Variants in CFAP44 observed in about 807,000 individuals in gnomAD.
CFAP44 encodes cilia and flagella associated protein 44, also known as cilia- and flagella-associated protein 44.
In CFAP44, 134 loss-of-function variants were observed where a neutral mutation model predicts 216.2. That is an observed-to-expected ratio of 0.62 (90% CI 0.54 to 0.72). CFAP44 has a LOEUF of 0.72. Ranked by LOEUF, CFAP44 falls within the 30% of genes least tolerant of loss-of-function variation. The pLI is 0.00. For synonymous variants in CFAP44, 700 were observed against 727.6 expected (o/e 0.96, Z 0.61); for missense variants, 2,035 against 2,182.1 (o/e 0.93, Z 1.34).
At position 113,362,124 on chromosome 3, in the gene CFAP44, C is replaced by T. The variant is rs140083309; in HGVS notation, c.2934+1021G>A. ...AAAATATTATTTCTTTTTAGAAGAT[C>T]TTGGTTGAGGGAGAACATATCAATA... is the stretch of plus-strand genomic sequence containing the variant. On this transcript the variant is annotated intron_variant, in intron 21 of 34. Transcript: ENST00000393845. 1.9e-3 allele frequency among the ~76,000 whole-genome samples: 287 copies of T among 151,890 alleles called. 2 individuals carry two copies. Among genetic ancestry groups the T allele is most frequent in the African/African-American group, 5.7e-3 (234 of 41,394 alleles).
In CFAP44 at chr3:113,306,216, A is replaced by G. The variant is rs1447682927; in HGVS notation, c.4743T>C (p.Asp1581=). The part of the protein sequence containing the change: ...KIVDNLKKEY[D]TLSKKVKIVA... ...ATCACCATACTTTTTTTGACAATGT[A>G]TCATATTCCTTTTTGAGGTTATCAA... is the stretch of plus-strand genomic sequence containing the variant. The change falls in exon 30 of 35, where the codon GAT becomes GAC. Residue 1581 remains aspartate, a synonymous_variant. Transcript: ENST00000393845. The G allele has an allele frequency of 6.5e-7, 1 of 1,536,604 alleles. No homozygotes were observed. Among genetic ancestry groups the G allele is most frequent in the Non-Finnish European group, 8.7e-7 (1 of 1,146,580 alleles).
chr3:113,331,626 G>A (rs892006757), intron 25 of CFAP44, among the ~76,000 whole-genome samples: 7 of 150,118 alleles, frequency 4.7e-5, no homozygotes, highest in Non-Finnish European at 1.0e-4. Flanking sequence ...TGGGTGAATG[G>A]ACAACCACCT....
chr3:113,372,566 C>T (rs921756762), intron 18 of CFAP44, among the ~76,000 whole-genome samples: 5 of 152,060 alleles, frequency 3.3e-5, no homozygotes, highest in Non-Finnish European at 5.9e-5. Context: ...ACATCACACA[C>T]CAGGGCCTGT....
At chr3:113,405,882 T>C (rs936895496) in intron 8 of CFAP44, among the ~76,000 whole-genome samples, 2 of 152,214 alleles carry the variant, frequency 1.3e-5, no homozygotes, top group Non-Finnish European at 2.9e-5. Flanking sequence ...TTTAGACATA[T>C]AGTTTCGCCA....
intron 1 of CFAP44, among the ~76,000 whole-genome samples, chr3:113,437,074 T>C (rs1559950676): frequency 6.6e-6 from 1 of 152,334 alleles, no homozygotes; most frequent in African/African-American, 2.4e-5. Context: ...CATGTGGCTA[T>C]GGAACAGTGG....
intron 28 of CFAP44, among the ~76,000 whole-genome samples, chr3:113,319,824 A>T (rs1950125617): frequency 6.6e-6 from 1 of 152,204 alleles, no homozygotes; most frequent in Non-Finnish European, 1.5e-5. Flanking sequence ...CACTAGTTAG[A>T]TTAACAAAGA....
At position 113,346,164 on chromosome 3, in the gene CFAP44, C is replaced by T. The variant is rs138219518; in HGVS notation, c.3066-1452G>A. ...TGCACCAATCAACACTCTGTAAAAA[C>T]GCACCAATCAGCGCTCTGTGTCTAG... On this transcript the variant is annotated intron_variant, in intron 22 of 34. Transcript: ENST00000393845. 3.4e-3 allele frequency among the ~76,000 whole-genome samples: 510 copies of T among 151,746 alleles called. 3 individuals are homozygous for T. Among genetic ancestry groups the T allele is most frequent in the East Asian group, 0.016 (80 of 5,146 alleles).
intron 2 of CFAP44, among the ~76,000 whole-genome samples, chr3:113,428,674 A>C (rs1935026022): frequency 6.6e-6 from 1 of 152,190 alleles, no homozygotes; most frequent in Admixed American, 6.6e-5. Context: ...AGCAGTTAAA[A>C]CCTGAAATCA....
intron 28 of CFAP44, 57 bp downstream of exon 28, chr3:113,326,377 CCTTAGTTACCT>C (rs1201457864): frequency 7.4e-6 from 10 of 1,355,178 alleles, no homozygotes; most frequent in Non-Finnish European, 9.6e-6. Flanking sequence ...CTAATAGGTC[CCTTAGTTACCT>C]CTCTATTTCA....
chr3:113,373,436 T>C lies in CFAP44; in HGVS notation c.2419A>G (p.Asn807Asp). 1 of 1,599,572 alleles carries C rather than the reference T, an allele frequency of 6.3e-7. No individual in the cohort carries two copies. The highest frequency in any genetic ancestry group is 8.5e-7 in the Non-Finnish European group (1 of 1,172,376). Residue 807 changes from asparagine (N) to aspartate (D), a missense_variant, in exon 18 of 35, where the codon AAT (asparagine) becomes GAT (aspartate). This residue lies in a region of CFAP44 where 1,883 missense variants were observed against 2,023.7 expected (regional missense o/e 0.93). Transcript: ENST00000393845. The stretch of plus-strand genomic sequence containing the variant: ...TTGAAAGTGATAGTTTGGATGGGAT[T>C]GTCCTCTGTATCCGCAAGATAACGG... ...DVRYLADTED[N>D]PIQTITFNIN...
At chr3:113,402,982 C>G (rs776622522) in intron 9 of CFAP44, among the ~76,000 whole-genome samples, 4 of 152,006 alleles carry the variant, frequency 2.6e-5, no homozygotes, top group Non-Finnish European at 4.4e-5. Context: ...AAAACATACA[C>G]TGGGGCTCAA....
chr3:113,320,443 T>TCTA (rs200949157), intron 28 of CFAP44, among the ~76,000 whole-genome samples: 7 of 112,982 alleles, frequency 6.2e-5, no homozygotes, highest in East Asian at 4.8e-4. Context: ...TTGATATATA[T>TCTA]GATATATATT....
At chr3:113,327,891 C>G in intron 26 of CFAP44, 72 bp from the exon 27 acceptor site, 1 of 1,372,110 alleles carries the variant, frequency 7.3e-7, no homozygotes, top group Non-Finnish European at 9.8e-7. Flanking sequence ...TCTAACAGTA[C>G]TAATTTGTAT....
At chr3:113,334,976 T>C (rs1950270340) in intron 24 of CFAP44, among the ~76,000 whole-genome samples, 1 of 151,998 alleles carries the variant, frequency 6.6e-6, no homozygotes, top group South Asian at 2.1e-4. Context: ...TAACTGATAA[T>C]CATTTATTTG....
chr3:113,387,163 C>A (rs1435799684), intron 15 of CFAP44, among the ~76,000 whole-genome samples: 2 of 152,176 alleles, frequency 1.3e-5, no homozygotes, highest in Non-Finnish European at 2.9e-5. Context: ...GGGCTCAGAG[C>A]CAGTGGATTT....
At chr3:113,376,659 C>T (rs976939618) in intron 17 of CFAP44, among the ~76,000 whole-genome samples, 1 of 152,150 alleles carries the variant, frequency 6.6e-6, no homozygotes, top group Non-Finnish European at 1.5e-5. Context: ...CTGAGCTTAT[C>T]ATCATTAGTG....
chr3:113,378,504 C>T (rs1205313760), intron 17 of CFAP44, among the ~76,000 whole-genome samples: 1 of 152,072 alleles, frequency 6.6e-6, no homozygotes, highest in Non-Finnish European at 1.5e-5. Flanking sequence ...CAGCAATAGT[C>T]CTTGGCTAGT....
chr3:113,403,071 CAG>C (rs1293101038), intron 9 of CFAP44, among the ~76,000 whole-genome samples: 3 of 150,404 alleles, frequency 2.0e-5, no homozygotes, highest in African/African-American at 7.4e-5. Flanking sequence ...TCGGTGGCAA[CAG>C]AGTGACCAGA....
chr3:113,324,576 T>A (rs1046390941), intron 28 of CFAP44, among the ~76,000 whole-genome samples: 11 of 151,956 alleles, frequency 7.2e-5, no homozygotes, highest in African/African-American at 2.7e-4. Context: ...ACGAAAAAAA[T>A]TCATGAAAAA....
Sources: gnomAD v4.1 joint callset for allele counts (sites outside exome capture counted in the v4.1 genomes callset) on GRCh38, gnomAD v4.1.1 for gene constraint, gnomAD v4.1.1 regional missense constraint, MANE v1.5 for transcripts, NCBI Gene and HGNC (gene_info 2026-07-23, HGNC 2026-07-21) for gene names.